NAALADL2: variants seen among roughly 807,000 people sequenced by gnomAD.
NAALADL2 encodes inactive N-acetylated-alpha-linked acidic dipeptidase-like protein 2.
NAALADL2 carries 76 observed loss-of-function variants against 87.2 expected under a neutral mutation model. The observed-to-expected ratio is 0.87, with a 90% confidence interval of 0.72 to 1.05. The LOEUF is 1.05. NAALADL2 is among the 50% of genes least tolerant of loss of function. The pLI is 0.00. For synonymous variants in NAALADL2, 354 were observed against 331.0 expected (o/e 1.07, Z -0.75); for missense variants, 1,089 against 945.8 (o/e 1.15, Z -1.99).
Position 174,768,178 on chromosome 3 carries a change from C to A in NAALADL2, c.-9+30432C>A, listed in dbSNP as rs192570251. 1.2e-3 allele frequency among the ~76,000 whole-genome samples: 186 copies of A among 152,180 alleles called. 1 individual carries two copies. The highest frequency in any genetic ancestry group is 4.3e-3 in the African/African-American group (180 of 41,538). The stretch of plus-strand genomic sequence containing the variant: ...AGTGTTAGTAATTTCGTTTTGCTTT[C>A]TTTGAGTTGGAGGATGATAAATTGT... On this transcript the variant is annotated intron_variant, in intron 3 of 3. Transcript: ENST00000434257.
At chr3:175,793,986 A>G (rs1753145774) in intron 13 of NAALADL2, among the ~76,000 whole-genome samples, 1 of 152,144 alleles carries the variant, frequency 6.6e-6, no homozygotes, top group Non-Finnish European at 1.5e-5. Flanking sequence ...CATCCTTCTC[A>G]TTATTAGAAT....
chr3:175,319,760 T>C (rs942416327), intron 4 of NAALADL2, among the ~76,000 whole-genome samples: 3 of 152,062 alleles, frequency 2.0e-5, no homozygotes, highest in Non-Finnish European at 4.4e-5. Context: ...GTGGAGGTTG[T>C]GGTGAGTCGA....
chr3:175,759,392 C>G (rs1354917375), intron 13 of NAALADL2, among the ~76,000 whole-genome samples: 1 of 147,382 alleles, frequency 6.8e-6, no homozygotes, highest in Non-Finnish European at 1.5e-5. Context: ...GAGTCTCGCT[C>G]TGTCGCCCAG....
intron 2 of NAALADL2, among the ~76,000 whole-genome samples, chr3:175,156,478 G>C (rs1351979892): frequency 6.6e-6 from 1 of 151,852 alleles, no homozygotes; most frequent in Non-Finnish European, 1.5e-5. Flanking sequence ...TTTTTTATTT[G>C]AACACTATGT....
chr3:175,738,923 TA>T (rs1561064099), intron 12 of NAALADL2, among the ~76,000 whole-genome samples: 2 of 152,170 alleles, frequency 1.3e-5, no homozygotes, highest in Non-Finnish European at 2.9e-5. Context: ...TTTTTGCAAA[TA>T]TTTTTTTAAA....
intron 2 of NAALADL2, among the ~76,000 whole-genome samples, chr3:175,180,094 C>T (rs1311734456): frequency 4.0e-5 from 6 of 151,530 alleles, no homozygotes; most frequent in Non-Finnish European, 8.8e-5. Flanking sequence ...GTAGTTGTAA[C>T]CAAAAAATGA....
intron 2 of NAALADL2, among the ~76,000 whole-genome samples, chr3:174,647,556 G>GAACTAATT (rs1723922434): frequency 6.6e-6 from 1 of 152,062 alleles, no homozygotes; most frequent in Admixed American, 6.6e-5. Flanking sequence ...TTTTAATGTT[G>GAACTAATT]GCAACTAATT....
At chr3:175,092,965 T>G (rs1195065365) in intron 1 of NAALADL2, among the ~76,000 whole-genome samples, 2 of 151,846 alleles carry the variant, frequency 1.3e-5, no homozygotes, top group Non-Finnish European at 2.9e-5. Flanking sequence ...TACAGATATT[T>G]CCATCCGTAG....
chr3:174,923,029 T>C (rs1432181055), intron 1 of NAALADL2, among the ~76,000 whole-genome samples: 2 of 152,142 alleles, frequency 1.3e-5, no homozygotes. Flanking sequence ...AGTTGGAGTT[T>C]CTAAATGTCA....
At chr3:175,399,008 G>T (rs1455924926) in intron 5 of NAALADL2, among the ~76,000 whole-genome samples, 1 of 151,608 alleles carries the variant, frequency 6.6e-6, no homozygotes, top group African/African-American at 2.4e-5. Context: ...GAGGAGGAAT[G>T]TGTCCACCCT....
chr3:175,583,329 T>C (rs905480854), intron 10 of NAALADL2, among the ~76,000 whole-genome samples: 3 of 152,162 alleles, frequency 2.0e-5, no homozygotes, highest in African/African-American at 7.2e-5. Flanking sequence ...AATTGTGAAG[T>C]CAAACCATCG....
At chr3:175,059,253 AT>A (rs900286740) in intron 1 of NAALADL2, 3 of 151,570 alleles carry the variant, frequency 2.0e-5, no homozygotes, top group African/African-American at 7.3e-5. Flanking sequence ...CTAAATAATT[AT>A]TGTTTTCTTG....
At chr3:175,146,421 C>T (rs1381135) in intron 2 of NAALADL2, among the ~76,000 whole-genome samples, 126,178 of 152,054 alleles carry the variant, frequency 0.83, 52,760 homozygotes, top group East Asian at 0.93. Context: ...AGTTTTACAG[C>T]CTGAGTTTTC....
intron 2 of NAALADL2, among the ~76,000 whole-genome samples, chr3:174,724,547 A>T (rs1732007144): frequency 6.6e-6 from 1 of 152,128 alleles, no homozygotes; most frequent in Non-Finnish European, 1.5e-5. Context: ...TTGAGTTTTG[A>T]AATAATACTC....
chr3:174,830,821 A>C (rs575511775), intron 3 of NAALADL2, among the ~76,000 whole-genome samples: 12 of 152,244 alleles, frequency 7.9e-5, no homozygotes, highest in South Asian at 2.1e-4. Flanking sequence ...GAGGTCCTTC[A>C]CATCCCTTGT....
chr3:174,729,935 A>G (rs954430267), intron 2 of NAALADL2, among the ~76,000 whole-genome samples: 10 of 152,076 alleles, frequency 6.6e-5, no homozygotes, highest in African/African-American at 1.4e-4. Flanking sequence ...ATAATTCCCT[A>G]TGGCATTTGG....
chr3:174,606,291 T>C (rs1719053599), intron 2 of NAALADL2, among the ~76,000 whole-genome samples: 1 of 152,188 alleles, frequency 6.6e-6, no homozygotes, highest in Non-Finnish European at 1.5e-5. Context: ...ACGCAGTTCC[T>C]CACCAGCAAT....
At chr3:175,257,855 G>A (rs951499388) in intron 4 of NAALADL2, among the ~76,000 whole-genome samples, 6 of 152,006 alleles carry the variant, frequency 3.9e-5, no homozygotes, top group Admixed American at 1.3e-4. Context: ...CATTATTAAT[G>A]ACATGTGCTA....
chr3:175,395,151 A>C (rs1160580393), intron 5 of NAALADL2, among the ~76,000 whole-genome samples: 1 of 152,118 alleles, frequency 6.6e-6, no homozygotes. Context: ...TCCATAATGC[A>C]TACAGCATTA....
Sources: allele counts gnomAD v4.1 joint callset (sites outside exome capture counted in the v4.1 genomes callset), GRCh38; gene constraint gnomAD v4.1.1; transcripts MANE v1.5; gene names NCBI Gene and HGNC (gene_info 2026-07-23, HGNC 2026-07-21).